Variants in PDPR observed in about 807,000 individuals in gnomAD.
PDPR encodes pyruvate dehydrogenase phosphatase regulatory subunit, mitochondrial.
Under a neutral mutation model 102.2 loss-of-function variants are expected in PDPR, and 50 were observed. The ratio of observed to expected loss-of-function variants is 0.49; its 90% CI spans 0.39 to 0.62. The LOEUF is 0.62. Among genes scored for constraint, PDPR ranks in the 20% least tolerant of loss-of-function variants. The probability of loss-of-function intolerance (pLI) is 0.00; values close to 1 mark genes in which losing one functional copy is unlikely to be tolerated. For missense variants in PDPR, 625 were observed against 1,098.2 expected, an observed-to-expected ratio of 0.57 and a Z score of 6.09; for synonymous variants, 259 against 406.0, an observed-to-expected ratio of 0.64 and a Z score of 4.35.
Position 70,157,337 on chromosome 16 carries a change from C to G in PDPR, c.*458C>G. 2.6e-6 allele frequency: 1 copy of G among 385,268 alleles called. No homozygotes were observed. The highest frequency in any genetic ancestry group is 1.9e-5 in the South Asian group (1 of 51,326). 23.9% of individuals were successfully genotyped at this position (385,268 alleles called of 1,614,324 possible). A position where few individuals can be genotyped will look rare whatever the true frequency, so the allele number is the denominator to read the frequency against. On this transcript the variant is annotated 3_prime_UTR_variant, in exon 19 of 19. Coordinates refer to ENST00000288050, the MANE Select transcript of PDPR (RefSeq NM_017990.5). ...GGGTTGCCGTGTGTCGGATGCAGCC[C>G]TGAGGGGCAGCTCGTGCCTGCAGCC...
At position 70,116,582 on chromosome 16, in the gene PDPR, A is replaced by G. The variant is rs117806922; in HGVS notation, c.-33+1652A>G. On this transcript the variant is annotated intron_variant, in intron 2 of 18. Transcript: ENST00000288050. ...ATTAAAAAAATTAATAAAACACAAG[A>G]TTGGCCTGTGTGGTGAGAGAGTATT... is the stretch of plus-strand genomic sequence containing the variant. Among the ~76,000 whole-genome samples the G allele has an allele frequency of 3.8e-3, 548 of 144,524 alleles. 16 individuals are homozygous for G. In the East Asian group the frequency reaches 0.045, roughly 12 times the overall value. The allele number at this position is 144,524 out of a possible 152,430, so 94.8% of individuals were successfully genotyped here. A position where few individuals can be genotyped will look rare whatever the true frequency, so the allele number is the denominator to read the frequency against.
At chr16:70,133,239 A>G (rs1223644366) in intron 9 of PDPR, among the ~76,000 whole-genome samples, 2 of 146,482 alleles carry the variant, frequency 1.4e-5, no homozygotes, top group Non-Finnish European at 3.0e-5. Flanking sequence ...CTCAGCCTCC[A>G]GAGTAGGTGG....
chr16:70,150,429 C>T (rs1348037779), intron 17 of PDPR, among the ~76,000 whole-genome samples: 1 of 152,214 alleles, frequency 6.6e-6, no homozygotes, highest in African/African-American at 2.4e-5. Flanking sequence ...CTATAATTTC[C>T]TTCCTTTGTT....
In PDPR at chr16:70,156,800, A is replaced by G. The variant is rs777306226; in HGVS notation, c.2561A>G (p.Lys854Arg). The G allele has an allele frequency of 3.1e-6, 5 of 1,614,076 alleles. No homozygotes were observed. The highest frequency in any genetic ancestry group is 4.5e-5 in the East Asian group (2 of 44,886). ...IAGYRFQAKA[K>R]LYPVASLFTQ... ...GGATACCGCTTCCAGGCCAAGGCCA[A>G]GCTCTACCCTGTCGCCTCCCTCTTC... Residue 854 changes from lysine to arginine, a missense_variant, in exon 19 of 19, where the codon AAG becomes AGG. By Grantham distance (26) the Lys-to-Arg change is conservative. Transcript: ENST00000288050.
In PDPR at chr16:70,157,067, A is replaced by ACCT. The variant is rs750393027; in HGVS notation, c.*198_*200dup. 2.3e-4 allele frequency: 187 copies of ACCT among 812,948 alleles called. No homozygotes were observed. The highest frequency in any genetic ancestry group is 1.7e-3 in the South Asian group (114 of 68,214). The allele number at this position is 812,948 out of a possible 1,614,324, so 50.4% of individuals were successfully genotyped here. ...GCTCTGCAGCCTTCCTTGCCCTTCC[A>ACCT]CCTCCTCCTCCTAATATTCACTCTG... is the stretch of plus-strand genomic sequence containing the variant. On this transcript the variant is annotated 3_prime_UTR_variant, in exon 19 of 19. Coordinates refer to ENST00000288050, the MANE Select transcript of PDPR (RefSeq NM_017990.5).
chr16:70,150,782 G>T (rs1966673233), intron 17 of PDPR, among the ~76,000 whole-genome samples: 2 of 152,226 alleles, frequency 1.3e-5, no homozygotes, highest in South Asian at 4.1e-4. Flanking sequence ...AAAGTATTGG[G>T]ATTACATGTG....
Position 70,131,526 on chromosome 16 carries a change from A to G in PDPR, c.847+107A>G. The G allele has an allele frequency of 3.2e-6, 4 of 1,243,142 alleles. No homozygotes were observed. In the South Asian group the frequency reaches 4.1e-5, roughly 13 times the overall value. The allele number at this position is 1,243,142 out of a possible 1,614,324, so 77.0% of individuals were successfully genotyped here. On this transcript the variant is annotated intron_variant, in intron 8 of 18. Transcript: ENST00000288050. The stretch of plus-strand genomic sequence containing the variant: ...CAGCCTGTGTCTGAAAGAGTCTTTC[A>G]TTTCTAGAGCATGTTACAGGGAGGT...
At chr16:70,115,611 G>A (rs528994167) in intron 2 of PDPR, among the ~76,000 whole-genome samples, 4 of 152,326 alleles carry the variant, frequency 2.6e-5, no homozygotes, top group South Asian at 4.1e-4. Flanking sequence ...CGCTCATCCA[G>A]TCTTCCTTGT....
At position 70,155,306 on chromosome 16, in the gene PDPR, A is replaced by T. The variant is rs1967019734; in HGVS notation, c.2236-1169A>T. On this transcript the variant is annotated intron_variant, in intron 18 of 18. Transcript: ENST00000288050. ...ATTTTTTTTTTCTTTCTTGAGACGG[A>T]GTTTCGTTCTTGTTGTCCAGGCTGG... 3.3e-5 allele frequency among the ~76,000 whole-genome samples: 5 copies of T among 151,934 alleles called. No individual in the cohort carries two copies. In the South Asian group the frequency reaches 1.0e-3, roughly 32 times the overall value.
chr16:70,155,802 C>CTTTTTTTTT lies in PDPR; in HGVS notation c.2236-664_2236-656dup, dbSNP rs60054362. Among the ~76,000 whole-genome samples the CTTTTTTTTT allele has an allele frequency of 1.8e-3, 257 of 139,614 alleles. 1 individual carries two copies. The highest frequency in any genetic ancestry group is 6.6e-3 in the African/African-American group (246 of 37,210). 91.6% of individuals were successfully genotyped at this position (139,614 alleles called of 152,430 possible). On this transcript the variant is annotated intron_variant, in intron 18 of 18. Transcript: ENST00000288050. The stretch of plus-strand genomic sequence containing the variant: ...TCTTGTTGGGATTATATAAAAAAGT[C>CTTTTTTTTT]TTTTTTTTTTTTTTTTTGAGACAGA...
chr16:70,156,309 T>G, intron 18 of PDPR, 166 bp from the exon 19 acceptor site: 7 of 810,814 alleles, frequency 8.6e-6, no homozygotes, highest in East Asian at 2.7e-5. Context: ...CACATGCAGT[T>G]TTTCACATGG....
At chr16:70,151,090 A>C (rs1966699221) in intron 17 of PDPR, among the ~76,000 whole-genome samples, 1 of 152,230 alleles carries the variant, frequency 6.6e-6, no homozygotes, top group South Asian at 2.1e-4. Context: ...ACACGCCACC[A>C]CACTCGGCTA....
chr16:70,130,327 C>T (rs1964410306), intron 6 of PDPR, 96 bp from the exon 7 acceptor site: 3 of 1,341,948 alleles, frequency 2.2e-6, no homozygotes, highest in Non-Finnish European at 3.1e-6. Flanking sequence ...ATTGACTTGA[C>T]TTTGTCAGTG....
In PDPR at chr16:70,159,110, C is replaced by A; in HGVS notation, c.*2231C>A. ...TATATTAGTCAAATAGAAGCTTCAT[C>A]AGAAATGTATCCCACATAGAGTTTT... On this transcript the variant is annotated 3_prime_UTR_variant, in exon 19 of 19. Transcript: ENST00000288050. 6.6e-6 allele frequency: 1 copy of A among 152,468 alleles called. No homozygotes were observed. 9.4% of individuals were successfully genotyped at this position (152,468 alleles called of 1,614,324 possible).
chr16:70,145,158 C>T (rs1966125037), intron 15 of PDPR, among the ~76,000 whole-genome samples: 1 of 152,218 alleles, frequency 6.6e-6, no homozygotes, highest in Admixed American at 6.5e-5. Flanking sequence ...GAGGCTGAAG[C>T]AGGAGAATCG....
At chr16:70,137,798 T>C (rs531105726) in intron 10 of PDPR, among the ~76,000 whole-genome samples, 1 of 152,288 alleles carries the variant, frequency 6.6e-6, no homozygotes, top group African/African-American at 2.4e-5. Context: ...GTATAATCTT[T>C]AGGTGACAGA....
chr16:70,122,252 A>G (rs1159575636), intron 3 of PDPR, among the ~76,000 whole-genome samples: 5 of 152,232 alleles, frequency 3.3e-5, no homozygotes, highest in Non-Finnish European at 7.3e-5. Context: ...CTCCCAAAGT[A>G]CTGGGATTAC....
chr16:70,137,370 TAATAA>T (rs1180592694), intron 10 of PDPR, among the ~76,000 whole-genome samples: 57 of 152,226 alleles, frequency 3.7e-4, no homozygotes, highest in Middle Eastern at 3.4e-3. Flanking sequence ...AAAATAATAA[TAATAA>T]AATAAAATAA....
intron 11 of PDPR, among the ~76,000 whole-genome samples, chr16:70,139,702 G>C (rs1284848330): frequency 1.3e-5 from 2 of 152,218 alleles, no homozygotes; most frequent in Non-Finnish European, 2.9e-5. Flanking sequence ...GAAAGCTTTT[G>C]TATCAGGAAT....
Sources: gnomAD v4.1 joint callset for allele counts (sites outside exome capture counted in the v4.1 genomes callset) on GRCh38, gnomAD v4.1.1 for gene constraint, MANE v1.5 for transcripts, NCBI Gene and HGNC (gene_info 2026-07-23, HGNC 2026-07-21) for gene names.